KCNH1: variants seen among roughly 807,000 people sequenced by gnomAD.
KCNH1 encodes voltage-gated delayed rectifier potassium channel KCNH1.
In KCNH1, 27 loss-of-function variants were observed where a neutral mutation model predicts 69.2. The ratio of observed to expected loss-of-function variants is 0.39; its 90% CI spans 0.29 to 0.54. The LOEUF is 0.54. Among genes scored for constraint, KCNH1 ranks in the 20% least tolerant of loss-of-function variants. The pLI is 0.68. For missense variants in KCNH1, 798 were observed against 1,261.6 expected (o/e 0.63, Z 5.57); for synonymous variants, 456 against 487.7 (o/e 0.93, Z 0.86).
intron 6 of KCNH1, among the ~76,000 whole-genome samples, chr1:210,937,796 G>A (rs140919460): frequency 7.2e-5 from 11 of 152,190 alleles, no homozygotes; most frequent in East Asian, 3.9e-4. Context: ...AGATTTGAAC[G>A]CTGACTACTA....
At chr1:210,950,213 TTTC>T (rs1688037219) in intron 6 of KCNH1, among the ~76,000 whole-genome samples, 3 of 151,632 alleles carry the variant, frequency 2.0e-5, no homozygotes. Context: ...TCAGTTTAGA[TTTC>T]TTTTTTTTTT....
intron 8 of KCNH1, among the ~76,000 whole-genome samples, chr1:210,802,036 C>T (rs553029155): frequency 1.3e-5 from 2 of 152,170 alleles, no homozygotes; most frequent in African/African-American, 2.4e-5. Flanking sequence ...TAAAATGAAT[C>T]GGGCCTCTTG....
intron 7 of KCNH1, among the ~76,000 whole-genome samples, chr1:210,917,856 C>T (rs906821118): frequency 6.6e-6 from 1 of 152,170 alleles, no homozygotes; most frequent in African/African-American, 2.4e-5. Context: ...GAGAAAAGAT[C>T]TTAAATCCTT....
chr1:211,030,193 A>T (rs1481445993), intron 5 of KCNH1, among the ~76,000 whole-genome samples: 1 of 152,258 alleles, frequency 6.6e-6, no homozygotes, highest in Non-Finnish European at 1.5e-5. Context: ...AAACAAAAAT[A>T]GCTAAAACAA....
chr1:210,717,980 A>C (rs1168440280), intron 10 of KCNH1, among the ~76,000 whole-genome samples: 1 of 151,810 alleles, frequency 6.6e-6, no homozygotes, highest in Non-Finnish European at 1.5e-5. Context: ...GGTGGTGTGC[A>C]CCTTTAATGC....
At chr1:210,959,248 G>T (rs1688249198) in intron 6 of KCNH1, among the ~76,000 whole-genome samples, 1 of 152,162 alleles carries the variant, frequency 6.6e-6, no homozygotes, top group African/African-American at 2.4e-5. Context: ...AGCAGAGGCT[G>T]CAGAACAGCA....
intron 6 of KCNH1, among the ~76,000 whole-genome samples, chr1:210,972,163 G>C (rs189106753): frequency 9.2e-4 from 140 of 152,008 alleles, no homozygotes; most frequent in African/African-American, 3.2e-3. Context: ...CACCCACCAA[G>C]TTCTAATTAT....
intron 3 of KCNH1, among the ~76,000 whole-genome samples, chr1:211,100,493 A>G (rs1691237836): frequency 6.6e-6 from 1 of 152,154 alleles, no homozygotes; most frequent in East Asian, 1.9e-4. Flanking sequence ...CTGGGATTAC[A>G]GGCACCCGCC....
At chr1:211,115,755 C>T (rs372595020) in intron 1 of KCNH1, among the ~76,000 whole-genome samples, 79 of 136,470 alleles carry the variant, frequency 5.8e-4, no homozygotes, top group Non-Finnish European at 1.1e-3. Flanking sequence ...ACATACACAT[C>T]CTATTAGTCC....
chr1:211,080,341 A>C (rs1389155292), intron 5 of KCNH1, among the ~76,000 whole-genome samples: 1 of 152,226 alleles, frequency 6.6e-6, no homozygotes, highest in African/African-American at 2.4e-5. Context: ...ATGGAAGAAC[A>C]TTCCATCCTC....
At chr1:210,958,889 C>T (rs773497499) in intron 6 of KCNH1, among the ~76,000 whole-genome samples, 11 of 152,162 alleles carry the variant, frequency 7.2e-5, no homozygotes, top group African/African-American at 1.2e-4. Context: ...TTGTTATTAC[C>T]GGCCTTCTGA....
At chr1:210,995,434 A>G (rs937462659) in intron 6 of KCNH1, among the ~76,000 whole-genome samples, 1 of 152,126 alleles carries the variant, frequency 6.6e-6, no homozygotes, top group African/African-American at 2.4e-5. Flanking sequence ...ATAAACCCCT[A>G]TCTCCAGGCC....
chr1:211,084,036 A>G (rs545940123), intron 4 of KCNH1, among the ~76,000 whole-genome samples: 19 of 151,758 alleles, frequency 1.3e-4, no homozygotes, highest in Admixed American at 3.9e-4. Context: ...ATAAAAAGCC[A>G]GTAGTGCTTT....
chr1:210,950,752 T>C (rs976870493), intron 6 of KCNH1, among the ~76,000 whole-genome samples: 1 of 152,164 alleles, frequency 6.6e-6, no homozygotes, highest in Non-Finnish European at 1.5e-5. Context: ...ATGTGACAGA[T>C]ATATCATCTC....
intron 4 of KCNH1, among the ~76,000 whole-genome samples, chr1:211,083,385 A>G (rs1386148383): frequency 6.6e-6 from 1 of 152,192 alleles, no homozygotes; most frequent in African/African-American, 2.4e-5. Context: ...CATTCTATGC[A>G]TTACCTTCTC....
intron 5 of KCNH1, among the ~76,000 whole-genome samples, chr1:211,041,357 G>A (rs1475362345): frequency 6.6e-6 from 1 of 152,078 alleles, no homozygotes; most frequent in Non-Finnish European, 1.5e-5. Context: ...CCACAAAGAT[G>A]TGCAGCTTAG....
At chr1:210,933,870 A>T (rs924982881) in intron 6 of KCNH1, among the ~76,000 whole-genome samples, 3 of 152,178 alleles carry the variant, frequency 2.0e-5, no homozygotes, top group Non-Finnish European at 4.4e-5. Context: ...AAGAACCCAC[A>T]AATAAACCCA....
intron 10 of KCNH1, among the ~76,000 whole-genome samples, chr1:210,773,946 C>T (rs936731794): frequency 6.6e-6 from 1 of 152,036 alleles, no homozygotes; most frequent in African/African-American, 2.4e-5. Context: ...AGGGGTTTGT[C>T]ACACACAGAA....
chr1:210,988,185 C>G (rs1571555518), intron 6 of KCNH1, among the ~76,000 whole-genome samples: 1 of 152,294 alleles, frequency 6.6e-6, no homozygotes, highest in Middle Eastern at 3.4e-3. Flanking sequence ...GTCTGTCACC[C>G]CTTTCTCTGA....
Sources: allele counts gnomAD v4.1 joint callset (sites outside exome capture counted in the v4.1 genomes callset), GRCh38; gene constraint gnomAD v4.1.1; transcripts MANE v1.5; gene names NCBI Gene and HGNC (gene_info 2026-07-23, HGNC 2026-07-21).